Variants in CFAP61 observed in about 807,000 individuals in gnomAD.
The protein encoded by CFAP61 is cilia- and flagella-associated protein 61.
CFAP61 carries 107 observed loss-of-function variants against 135.6 expected under a neutral mutation model. That is an observed-to-expected ratio of 0.79 (90% CI 0.67 to 0.93). The LOEUF (loss-of-function observed/expected upper bound fraction) is 0.93, where lower values mean the gene tolerates loss of function less well. CFAP61 is among the 40% of genes least tolerant of loss of function. CFAP61 has a pLI of 0.00. For synonymous variants in CFAP61, 575 were observed against 578.5 expected, an observed-to-expected ratio of 0.99 and a Z score of 0.09; for missense variants, 1,507 against 1,556.2, an observed-to-expected ratio of 0.97 and a Z score of 0.53.
intron 1 of CFAP61, among the ~76,000 whole-genome samples, chr20:20,055,483 A>T (rs2044241845): frequency 6.6e-6 from 1 of 152,046 alleles, no homozygotes; most frequent in Non-Finnish European, 1.5e-5. Flanking sequence ...TTTAATTTTT[A>T]ATTCTCTGTT....
chr20:20,273,180 CCTGT>C (rs915578630), intron 21 of CFAP61, among the ~76,000 whole-genome samples: 1 of 151,944 alleles, frequency 6.6e-6, no homozygotes, highest in African/African-American at 2.4e-5. Flanking sequence ...TACATTCAGC[CCTGT>C]CTTTCTTTAA....
chr20:20,099,338 C>G (rs955863997), intron 8 of CFAP61, among the ~76,000 whole-genome samples: 2 of 152,118 alleles, frequency 1.3e-5, no homozygotes, highest in South Asian at 2.1e-4. Flanking sequence ...GAAATAATAC[C>G]ATCAATTTTA....
rs2048451785 is a variant in CFAP61, at chr20:20,222,213, G to A, written c.1933-6036G>A. On this transcript the variant is annotated intron_variant, in intron 17 of 26. Transcript: ENST00000245957. ...TGGCCACAAGTGAATGTCATAGGGT[G>A]GCAATAATTTTAGCTTTTAAAAACA... 1.3e-5 allele frequency among the ~76,000 whole-genome samples: 2 copies of A among 152,124 alleles called. 1 individual carries two copies. Among genetic ancestry groups the A allele is most frequent in the South Asian group, 4.2e-4 (2 of 4,814 alleles).
At chr20:20,229,240 G>T (rs1413889212) in intron 18 of CFAP61, among the ~76,000 whole-genome samples, 1 of 152,110 alleles carries the variant, frequency 6.6e-6, no homozygotes, top group Non-Finnish European at 1.5e-5. Context: ...CCTGGATTAG[G>T]GTCTGAGAGC....
rs886507351 is a variant in CFAP61, at chr20:20,339,457, T to C, written c.3423-2374T>C. Among the ~76,000 whole-genome samples, 7 of 152,102 alleles carry C rather than the reference T, an allele frequency of 4.6e-5. No homozygotes were observed. In the East Asian group the frequency reaches 9.7e-4, roughly 21 times the overall value. On this transcript the variant is annotated intron_variant, in intron 25 of 26. Coordinates refer to ENST00000245957, the MANE Select transcript of CFAP61 (RefSeq NM_015585.4). ...CAACCTGGGGGAGGTCTAAAACTTT[T>C]ATTTTTATTTTTTTAGAGACAGGGT...
intron 8 of CFAP61, among the ~76,000 whole-genome samples, chr20:20,128,289 C>T (rs1262415581): frequency 1.3e-5 from 2 of 151,880 alleles, no homozygotes; most frequent in South Asian, 2.1e-4. Context: ...TCTGGCCGCC[C>T]TTCTGATGGA....
chr20:20,242,571 C>A (rs769748418), intron 18 of CFAP61, among the ~76,000 whole-genome samples: 4 of 152,220 alleles, frequency 2.6e-5, no homozygotes, highest in Non-Finnish European at 5.9e-5. Flanking sequence ...GCTTTGTAAC[C>A]TTGAACAAAT....
At chr20:20,067,128 C>T (rs572013232) in intron 2 of CFAP61, among the ~76,000 whole-genome samples, 100 of 151,294 alleles carry the variant, frequency 6.6e-4, no homozygotes, top group African/African-American at 2.4e-3. Flanking sequence ...TGGCTATACT[C>T]GGAAAATTTC....
intron 26 of CFAP61, among the ~76,000 whole-genome samples, chr20:20,342,823 A>G (rs1456791676): frequency 6.6e-6 from 1 of 152,114 alleles, no homozygotes; most frequent in Admixed American, 6.5e-5. Context: ...CCAGTGAAGA[A>G]ACTGAAGTTT....
chr20:20,188,132 C>T (rs1424811659), intron 14 of CFAP61, 76 bp downstream of exon 14: 1 of 1,510,826 alleles, frequency 6.6e-7, no homozygotes, highest in Non-Finnish European at 9.1e-7. Flanking sequence ...CCTGAAACTT[C>T]CTTGGATCTG....
intron 18 of CFAP61, among the ~76,000 whole-genome samples, chr20:20,237,922 T>C (rs2049719544): frequency 6.6e-6 from 1 of 152,220 alleles, no homozygotes; most frequent in African/African-American, 2.4e-5. Context: ...ATACAATGTG[T>C]GGTGTTTACT....
intron 8 of CFAP61, among the ~76,000 whole-genome samples, chr20:20,114,897 G>C (rs150287782): frequency 0.012 from 1,867 of 152,152 alleles, 16 homozygotes; most frequent in Non-Finnish European, 0.017. Context: ...CTGTATTTCT[G>C]ATTTGCTAAG....
At chr20:20,081,862 C>T (rs1178655106) in intron 6 of CFAP61, among the ~76,000 whole-genome samples, 1 of 152,128 alleles carries the variant, frequency 6.6e-6, no homozygotes, top group Non-Finnish European at 1.5e-5. Flanking sequence ...GGGTACTTTG[C>T]AGTGAGGAAG....
chr20:20,059,982 A>G (rs2044674709), intron 2 of CFAP61, among the ~76,000 whole-genome samples: 1 of 152,182 alleles, frequency 6.6e-6, no homozygotes, highest in African/African-American at 2.4e-5. Context: ...AGTGGATCCC[A>G]AAGGGGATAA....
chr20:20,066,095 A>G (rs923102472), intron 2 of CFAP61, among the ~76,000 whole-genome samples: 27 of 152,352 alleles, frequency 1.8e-4, no homozygotes, highest in Non-Finnish European at 2.9e-4. Flanking sequence ...ATCACTGGTC[A>G]TTAGAGAAAT....
At chr20:20,290,417 T>A in intron 24 of CFAP61, 26 bp downstream of exon 24, 1 of 1,448,440 alleles carries the variant, frequency 6.9e-7, no homozygotes, top group Non-Finnish European at 9.7e-7. Flanking sequence ...GAATTTCATT[T>A]TACTTTCAAA....
chr20:20,347,728 T>C (rs998819109), intron 26 of CFAP61, among the ~76,000 whole-genome samples: 3 of 151,236 alleles, frequency 2.0e-5, no homozygotes, highest in Non-Finnish European at 2.9e-5. Context: ...AGGTCAGGAG[T>C]TCGAGACCAA....
At chr20:20,292,653 G>A (rs1388063219) in intron 24 of CFAP61, among the ~76,000 whole-genome samples, 1 of 152,090 alleles carries the variant, frequency 6.6e-6, no homozygotes, top group Non-Finnish European at 1.5e-5. Context: ...TACTCAGCTG[G>A]GCTGGGATGA....
At chr20:20,133,510 A>G (rs1261772633) in intron 8 of CFAP61, among the ~76,000 whole-genome samples, 1 of 152,196 alleles carries the variant, frequency 6.6e-6, no homozygotes, top group African/African-American at 2.4e-5. Flanking sequence ...CAAGCAGGTC[A>G]CATGATTAAA....
Sources: allele counts gnomAD v4.1 joint callset (sites outside exome capture counted in the v4.1 genomes callset), GRCh38; gene constraint gnomAD v4.1.1; transcripts MANE v1.5; gene names NCBI Gene and HGNC (gene_info 2026-07-23, HGNC 2026-07-21).